TMEM178B: variants seen among roughly 807,000 people sequenced by gnomAD.
The protein encoded by TMEM178B is transmembrane protein 178B.
A neutral mutation model predicts 31.0 loss-of-function variants in TMEM178B; 5 were observed. The observed-to-expected ratio is 0.16, with a 90% confidence interval of 0.08 to 0.34. The LOEUF (loss-of-function observed/expected upper bound fraction) is 0.34, where lower values mean the gene tolerates loss of function less well. TMEM178B is among the 10% of genes least tolerant of loss of function. The pLI, the probability that TMEM178B is intolerant of heterozygous loss-of-function variation, is 1.00. For synonymous variants in TMEM178B, 164 were observed against 164.0 expected (o/e 1.00, Z 0.00); for missense variants, 275 against 400.3 (o/e 0.69, Z 2.67).
chr7:141,405,798 A>G (rs1489213550), intron 2 of TMEM178B, among the ~76,000 whole-genome samples: 2 of 152,218 alleles, frequency 1.3e-5, no homozygotes, highest in African/African-American at 2.4e-5. Context: ...TTGCACTACC[A>G]TGAAAACCTC....
At chr7:141,310,400 A>G (rs963945492) in intron 2 of TMEM178B, among the ~76,000 whole-genome samples, 13 of 152,186 alleles carry the variant, frequency 8.5e-5, no homozygotes, top group African/African-American at 3.1e-4. Flanking sequence ...TAAAAATGGC[A>G]ATTACTATTA....
Position 141,472,427 on chromosome 7 carries a change from T to C in TMEM178B, c.*1641T>C, listed in dbSNP as rs114156686. On this transcript the variant is annotated 3_prime_UTR_variant, in exon 4 of 4. Coordinates refer to ENST00000565468, the MANE Select transcript of TMEM178B (RefSeq NM_001195278.2). ...TTGAGCAAATTAGCACTGCAGGTGC[T>C]GGCAAGCAAAGTCAGCCAGAGAGTT... The C allele has an allele frequency of 2.0e-5, 3 of 152,270 alleles. No individual in the cohort carries two copies. The highest frequency in any genetic ancestry group is 7.2e-5 in the African/African-American group (3 of 41,548). 9.4% of individuals were successfully genotyped at this position (152,270 alleles called of 1,614,324 possible).
intron 1 of TMEM178B, among the ~76,000 whole-genome samples, chr7:141,119,845 G>A (rs1795381302): frequency 6.6e-6 from 1 of 152,134 alleles, no homozygotes; most frequent in East Asian, 1.9e-4. Context: ...GGGCATTGCG[G>A]GCTCTCTTTT....
rs1797066663 is a variant in TMEM178B, at chr7:141,212,512, A to G, written c.383-79A>G. 4 of 1,218,192 alleles carry G rather than the reference A, an allele frequency of 3.3e-6. No individual in the cohort carries two copies. The Admixed American group carries it at 6.0e-5, about 18-fold the overall frequency. The allele number at this position is 1,218,192 out of a possible 1,614,324, so 75.5% of individuals were successfully genotyped here. A position where few individuals can be genotyped will look rare whatever the true frequency, so the allele number is the denominator to read the frequency against. On this transcript the variant is annotated intron_variant, in intron 1 of 3. Coordinates refer to ENST00000565468, the MANE Select transcript of TMEM178B (RefSeq NM_001195278.2). ...TATGAAAGAAGTCTTCTTCTCCAGG[A>G]TGGAAAAATTAATCCCAGAACTAGT... is the stretch of plus-strand genomic sequence containing the variant.
At chr7:141,231,291 C>T (rs1490433162) in intron 2 of TMEM178B, among the ~76,000 whole-genome samples, 1 of 147,078 alleles carries the variant, frequency 6.8e-6, no homozygotes, top group Non-Finnish European at 1.5e-5. Flanking sequence ...CTTTGGGGCT[C>T]CTGACCTAGA....
chr7:141,108,444 A>G (rs964619477), intron 1 of TMEM178B, among the ~76,000 whole-genome samples: 11 of 152,222 alleles, frequency 7.2e-5, no homozygotes, highest in African/African-American at 2.7e-4. Flanking sequence ...CAGGAAAGAA[A>G]GCAGAGTGTG....
intron 1 of TMEM178B, among the ~76,000 whole-genome samples, chr7:141,177,768 G>A (rs1300137298): frequency 6.6e-6 from 1 of 152,046 alleles, no homozygotes; most frequent in Non-Finnish European, 1.5e-5. Flanking sequence ...TGCAACCCCT[G>A]CTTTTTTTTG....
chr7:141,210,840 G>A (rs1410432877), intron 1 of TMEM178B, among the ~76,000 whole-genome samples: 1 of 152,156 alleles, frequency 6.6e-6, no homozygotes, highest in Non-Finnish European at 1.5e-5. Context: ...ACTACAGGAG[G>A]AGGGGAGACA....
chr7:141,120,888 C>A (rs943997290), intron 1 of TMEM178B, among the ~76,000 whole-genome samples: 5 of 151,850 alleles, frequency 3.3e-5, no homozygotes, highest in Non-Finnish European at 5.9e-5. Flanking sequence ...TCACTTGAGC[C>A]CATGAGGTCA....
At chr7:141,201,495 T>G (rs1017303101) in intron 1 of TMEM178B, among the ~76,000 whole-genome samples, 1 of 152,206 alleles carries the variant, frequency 6.6e-6, no homozygotes, top group African/African-American at 2.4e-5. Context: ...AAGGGGATTT[T>G]ATTGAAGGCT....
chr7:141,302,019 T>C (rs188515347), intron 2 of TMEM178B, among the ~76,000 whole-genome samples: 3 of 152,202 alleles, frequency 2.0e-5, no homozygotes, highest in Non-Finnish European at 2.9e-5. Context: ...AGTTAATGTT[T>C]AATGGATGTG....
intron 2 of TMEM178B, among the ~76,000 whole-genome samples, chr7:141,403,296 T>G (rs1419318506): frequency 6.6e-6 from 1 of 152,232 alleles, no homozygotes; most frequent in Admixed American, 6.5e-5. Flanking sequence ...TGTGTGATCC[T>G]GGACATTGAT....
chr7:141,466,208 T>C (rs1802145564), intron 3 of TMEM178B, among the ~76,000 whole-genome samples: 1 of 152,188 alleles, frequency 6.6e-6, no homozygotes, highest in Non-Finnish European at 1.5e-5. Flanking sequence ...TTCCCATCTA[T>C]GGGAATATTG....
In TMEM178B at chr7:141,113,364, C is replaced by T. The variant is rs534906539; in HGVS notation, c.382+38672C>T. On this transcript the variant is annotated intron_variant, in intron 1 of 3. Coordinates refer to ENST00000565468, the MANE Select transcript of TMEM178B (RefSeq NM_001195278.2). ...TGTTCCCTGAGATCCTGAGTCTCCA[C>T]ATCACACAGCTTGCACACCATCAGA... 3.9e-5 allele frequency among the ~76,000 whole-genome samples: 6 copies of T among 152,346 alleles called. No homozygotes were observed. In the East Asian group the frequency reaches 9.6e-4, roughly 24 times the overall value.
At chr7:141,207,398 C>T (rs1470980744) in intron 1 of TMEM178B, among the ~76,000 whole-genome samples, 1 of 152,190 alleles carries the variant, frequency 6.6e-6, no homozygotes, top group Non-Finnish European at 1.5e-5. Context: ...ATTTACATTC[C>T]CACCAATAGC....
intron 1 of TMEM178B, among the ~76,000 whole-genome samples, chr7:141,120,911 G>T (rs1371190276): frequency 3.9e-5 from 6 of 151,914 alleles, no homozygotes; most frequent in Non-Finnish European, 8.8e-5. Context: ...GCTGTAGTGA[G>T]CCATGACCAT....
At chr7:141,369,333 GTGTGTGTGTGTGTGTGTGTGTGTGTA>G in intron 2 of TMEM178B, among the ~76,000 whole-genome samples, 1 of 150,662 alleles carries the variant, frequency 6.6e-6, no homozygotes, top group East Asian at 2.0e-4. Flanking sequence ...GTGTGTGTGT[GTGTGTGTGTGTGTGTGTGTGTGTGTA>G]TGTGTGTGTG....
intron 2 of TMEM178B, among the ~76,000 whole-genome samples, chr7:141,327,165 C>T (rs756011084): frequency 7.9e-5 from 12 of 152,048 alleles, no homozygotes; most frequent in Admixed American, 2.0e-4. Context: ...ATTGGGTAGA[C>T]GGTGGCCTCT....
chr7:141,488,382 C>G, the TMEM178B span, among the ~76,000 whole-genome samples: 1 of 152,164 alleles, frequency 6.6e-6, no homozygotes, highest in African/African-American at 2.4e-5. Flanking sequence ...TTTTGGAGGC[C>G]AAGTGTGGAT....
Sources: allele counts gnomAD v4.1 joint callset (sites outside exome capture counted in the v4.1 genomes callset), GRCh38; gene constraint gnomAD v4.1.1; transcripts MANE v1.5; gene names NCBI Gene and HGNC (gene_info 2026-07-23, HGNC 2026-07-21).